Variants in ANKFN1 observed in about 807,000 individuals in gnomAD.
The protein encoded by ANKFN1 is ankyrin repeat and fibronectin type-III domain-containing protein 1.
Under a neutral mutation model 108.7 loss-of-function variants are expected in ANKFN1, and 74 were observed. The observed-to-expected ratio is 0.68, with a 90% CI of 0.56 to 0.83. The LOEUF is 0.83. Among genes scored for constraint, ANKFN1 ranks in the 40% least tolerant of loss-of-function variants. The probability of loss-of-function intolerance (pLI) is 0.00; values close to 1 mark genes in which losing one functional copy is unlikely to be tolerated. For synonymous variants in ANKFN1, 547 were observed against 516.2 expected (o/e 1.06, Z -0.81); for missense variants, 1,505 against 1,382.3 (o/e 1.09, Z -1.41).
intron 6 of ANKFN1, among the ~76,000 whole-genome samples, chr17:56,356,749 C>T (rs1050731037): frequency 4.6e-5 from 7 of 152,140 alleles, no homozygotes; most frequent in Non-Finnish European, 8.8e-5. Flanking sequence ...CCCAAAGATC[C>T]AGTGACAGAA....
chr17:56,254,311 G>A (rs575359076), intron 3 of ANKFN1: 1 of 152,312 alleles, frequency 6.6e-6, no homozygotes, highest in South Asian at 2.1e-4. Flanking sequence ...TTATAACAAT[G>A]AGATAGTGCT....
intron 1 of ANKFN1, among the ~76,000 whole-genome samples, chr17:56,187,319 A>G (rs57865309): frequency 0.043 from 6,529 of 152,322 alleles, 470 homozygotes; most frequent in African/African-American, 0.15. Context: ...TATGGAGCCA[A>G]CAGACACATG....
chr17:56,188,018 C>T (rs1011440519), intron 1 of ANKFN1, among the ~76,000 whole-genome samples: 9 of 152,118 alleles, frequency 5.9e-5, no homozygotes, highest in African/African-American at 2.2e-4. Flanking sequence ...AAACATGGCA[C>T]TTGTATACAT....
chr17:56,208,356 G>A (rs1463908765), intron 1 of ANKFN1, among the ~76,000 whole-genome samples: 4 of 152,114 alleles, frequency 2.6e-5, no homozygotes, highest in South Asian at 4.1e-4. Context: ...CACTACTGAC[G>A]TTTTGGACTA....
intron 8 of ANKFN1, among the ~76,000 whole-genome samples, chr17:56,439,069 A>C: frequency 6.6e-6 from 1 of 152,184 alleles, no homozygotes; most frequent in East Asian, 1.9e-4. Context: ...GCTGTTGCTG[A>C]TGATCAAAGC....
At chr17:56,142,478 A>G (rs1907986125) in intron 4 of ANKFN1, among the ~76,000 whole-genome samples, 1 of 152,210 alleles carries the variant, frequency 6.6e-6, no homozygotes, top group African/African-American at 2.4e-5. Context: ...TGATGGGCTC[A>G]ATGGACACTG....
At chr17:56,374,240 A>T (rs1451379525) in intron 7 of ANKFN1, among the ~76,000 whole-genome samples, 3 of 152,166 alleles carry the variant, frequency 2.0e-5, no homozygotes, top group Admixed American at 2.0e-4. Context: ...CCTCCAGTGA[A>T]ACGATGTACT....
chr17:56,233,945 A>C (rs562651098), intron 3 of ANKFN1, among the ~76,000 whole-genome samples: 89 of 152,306 alleles, frequency 5.8e-4, no homozygotes, highest in African/African-American at 2.1e-3. Context: ...TCTTTGCTTA[A>C]CTGGATAAGA....
intron 14 of ANKFN1, among the ~76,000 whole-genome samples, chr17:56,460,313 T>A (rs1438546540): frequency 1.3e-5 from 2 of 152,070 alleles, no homozygotes; most frequent in Non-Finnish European, 2.9e-5. Context: ...ATTAGCTGGA[T>A]GTGGTGGTGC....
intron 4 of ANKFN1, 142 bp downstream of exon 4, chr17:56,326,497 A>C (rs1357153825): frequency 1.9e-6 from 2 of 1,051,942 alleles, no homozygotes; most frequent in East Asian, 2.6e-5. Flanking sequence ...CAGGTGGTCC[A>C]TGAAGAATAC....
At chr17:56,448,353 C>T (rs1018163012) in intron 10 of ANKFN1, among the ~76,000 whole-genome samples, 2 of 151,666 alleles carry the variant, frequency 1.3e-5, no homozygotes, top group Non-Finnish European at 2.9e-5. Flanking sequence ...TGGGTTATTA[C>T]TCTTGATATC....
upstream of ANKFN1, among the ~76,000 whole-genome samples, chr17:56,151,299 G>A (rs1023695184): frequency 6.6e-6 from 1 of 152,172 alleles, no homozygotes; most frequent in Non-Finnish European, 1.5e-5. Context: ...TGTCAGCCAT[G>A]CAAAGTTTGT....
chr17:56,418,611 T>C (rs2048308163), intron 8 of ANKFN1, among the ~76,000 whole-genome samples: 1 of 152,084 alleles, frequency 6.6e-6, no homozygotes, highest in Non-Finnish European at 1.5e-5. Flanking sequence ...ATTCTGGAAT[T>C]TAATAATAAA....
intron 1 of ANKFN1, among the ~76,000 whole-genome samples, chr17:56,193,525 T>TA (rs1294759654): frequency 1.3e-4 from 19 of 147,246 alleles, no homozygotes; most frequent in East Asian, 4.0e-4. Flanking sequence ...TGTAGCGTTT[T>TA]AAAAAAAAAT....
chr17:56,094,449 CTGTCTCAGT>C (rs1905477562), intron 4 of ANKFN1, among the ~76,000 whole-genome samples: 1 of 81,368 alleles, frequency 1.2e-5, no homozygotes, highest in East Asian at 6.0e-4. Flanking sequence ...TACTTAAATA[CTGTCTCAGT>C]TCTCAGTTGT....
chr17:56,187,313 G>C (rs1318974096), intron 1 of ANKFN1, among the ~76,000 whole-genome samples: 9 of 152,058 alleles, frequency 5.9e-5, no homozygotes, highest in African/African-American at 9.7e-5. Context: ...GACATTTATG[G>C]AGCCAACAGA....
chr17:56,344,786 A>T (rs1489625884), intron 4 of ANKFN1, among the ~76,000 whole-genome samples: 1 of 152,048 alleles, frequency 6.6e-6, no homozygotes, highest in African/African-American at 2.4e-5. Flanking sequence ...AAATAATGAC[A>T]GTTCTCTGGA....
intron 15 of ANKFN1, among the ~76,000 whole-genome samples, chr17:56,474,383 G>A (rs1285235879): frequency 1.3e-5 from 2 of 152,138 alleles, no homozygotes; most frequent in East Asian, 3.8e-4. Flanking sequence ...AATAAATTAA[G>A]GTAATCTGTA....
chr17:56,146,494 C>A (rs1243349592), intron 4 of ANKFN1, among the ~76,000 whole-genome samples: 2 of 152,240 alleles, frequency 1.3e-5, no homozygotes, highest in African/African-American at 4.8e-5. Context: ...GGCATTTCCA[C>A]CCATCCCAAA....
Sources: allele counts gnomAD v4.1 joint callset (sites outside exome capture counted in the v4.1 genomes callset), GRCh38; gene constraint gnomAD v4.1.1; transcripts MANE v1.5; gene names NCBI Gene and HGNC (gene_info 2026-07-23, HGNC 2026-07-21).